The following IQCM variants were observed in gnomAD, a reference collection of about 807,000 sequenced individuals.
IQCM encodes the protein IQ motif containing M.
In IQCM, 45 loss-of-function variants were observed where a neutral mutation model predicts 57.6. That is an observed-to-expected ratio of 0.78 (90% CI 0.62 to 1.00). IQCM has a LOEUF of 1.00. Among genes scored for constraint, IQCM ranks in the 50% least tolerant of loss-of-function variants. The probability of loss-of-function intolerance (pLI) is 0.00; values close to 1 mark genes in which losing one functional copy is unlikely to be tolerated. For synonymous variants in IQCM, 148 were observed against 158.9 expected, an observed-to-expected ratio of 0.93 and a Z score of 0.51; for missense variants, 468 against 511.6, an observed-to-expected ratio of 0.91 and a Z score of 0.82.
At chr4:149,537,137 T>G (rs1212430973) in intron 12 of IQCM, among the ~76,000 whole-genome samples, 1 of 151,960 alleles carries the variant, frequency 6.6e-6, no homozygotes, top group Admixed American at 6.6e-5. Flanking sequence ...CTGAATGAAC[T>G]CAGAGGTTAG....
At chr4:149,519,463 T>A (rs961491529) in intron 12 of IQCM, among the ~76,000 whole-genome samples, 2 of 151,194 alleles carry the variant, frequency 1.3e-5, no homozygotes, top group African/African-American at 4.9e-5. Flanking sequence ...CTACTAAAAA[T>A]ACAAAAAAAT....
chr4:149,424,698 T>A (rs1157213062), intron 13 of IQCM, among the ~76,000 whole-genome samples: 1 of 151,884 alleles, frequency 6.6e-6, no homozygotes, highest in Admixed American at 6.6e-5. Context: ...TTCAATGACA[T>A]AACTGTAATG....
At chr4:149,812,957 T>C (rs1026353812) in intron 2 of IQCM, among the ~76,000 whole-genome samples, 1 of 152,184 alleles carries the variant, frequency 6.6e-6, no homozygotes, top group Non-Finnish European at 1.5e-5. Flanking sequence ...GTCAGCTACA[T>C]TAATATCTCA....
intron 2 of IQCM, among the ~76,000 whole-genome samples, chr4:149,777,336 A>G (rs545217811): frequency 1.3e-5 from 2 of 152,354 alleles, no homozygotes; most frequent in African/African-American, 4.8e-5. Context: ...AAAAATGTCC[A>G]TGATAAAAAG....
At chr4:149,353,260 C>T (rs1728699168) in intron 13 of IQCM, among the ~76,000 whole-genome samples, 2 of 152,106 alleles carry the variant, frequency 1.3e-5, no homozygotes, top group Non-Finnish European at 2.9e-5. Context: ...CTTAGGATGG[C>T]TATTATCAAA....
chr4:149,475,302 A>C (rs1740060638), intron 12 of IQCM, among the ~76,000 whole-genome samples: 1 of 152,198 alleles, frequency 6.6e-6, no homozygotes, highest in African/African-American at 2.4e-5. Flanking sequence ...ATGTCCCCAG[A>C]TTCCAGATTT....
chr4:149,390,297 A>G (rs1731756214), intron 13 of IQCM, among the ~76,000 whole-genome samples: 1 of 152,028 alleles, frequency 6.6e-6, no homozygotes, highest in Admixed American at 6.6e-5. Flanking sequence ...GGATTTGTAT[A>G]TTAATTTACC....
At chr4:149,667,949 G>T (rs1276571738) in intron 7 of IQCM, among the ~76,000 whole-genome samples, 2 of 152,072 alleles carry the variant, frequency 1.3e-5, no homozygotes, top group Admixed American at 6.6e-5. Flanking sequence ...AACTACATTT[G>T]TTTGGTGCAC....
intron 2 of IQCM, among the ~76,000 whole-genome samples, chr4:149,756,985 G>A (rs1045319467): frequency 6.6e-6 from 1 of 152,242 alleles, no homozygotes; most frequent in Non-Finnish European, 1.5e-5. Flanking sequence ...ATGGCCGGGT[G>A]TGGTGGCTCA....
At chr4:149,412,361 C>T (rs1193027854) in intron 13 of IQCM, among the ~76,000 whole-genome samples, 4 of 152,116 alleles carry the variant, frequency 2.6e-5, no homozygotes, top group Non-Finnish European at 5.9e-5. Flanking sequence ...CATTAAAAAA[C>T]CAACTGTAGA....
intron 2 of IQCM, among the ~76,000 whole-genome samples, chr4:149,752,155 T>C (rs1313266090): frequency 6.6e-6 from 1 of 152,002 alleles, no homozygotes; most frequent in East Asian, 1.9e-4. Flanking sequence ...ATGCATACAG[T>C]ATCATGTCTA....
At chr4:149,608,158 A>T (rs1387422599) in intron 8 of IQCM, among the ~76,000 whole-genome samples, 2 of 151,966 alleles carry the variant, frequency 1.3e-5, no homozygotes, top group Non-Finnish European at 2.9e-5. Flanking sequence ...CAAGACAAAA[A>T]GGAACAAAGA....
intron 13 of IQCM, among the ~76,000 whole-genome samples, chr4:149,385,912 G>A (rs1313469326): frequency 6.6e-6 from 1 of 152,016 alleles, no homozygotes; most frequent in Non-Finnish European, 1.5e-5. Context: ...ACATTTAAAT[G>A]AATATATTAT....
rs545825807 is a variant in IQCM at position 149,474,839 on chromosome 4, G to C, written c.1229-41282C>G. Among the ~76,000 whole-genome samples the C allele has an allele frequency of 3.9e-4, 59 of 152,186 alleles. No homozygotes were observed. In the South Asian group the frequency reaches 4.1e-3, roughly 11 times the overall value. ...TTAGCTGGATGAAAATCTGAGTAGA[G>C]AGCATCCTAGGAAGAAGAAACAGTT... On this transcript the variant is annotated intron_variant, in intron 12 of 13. Transcript: ENST00000636793.
intron 7 of IQCM, among the ~76,000 whole-genome samples, chr4:149,626,434 T>TTTTA (rs1756819368): frequency 7.8e-6 from 1 of 128,192 alleles, no homozygotes; most frequent in Admixed American, 8.3e-5. Flanking sequence ...CATACTATTT[T>TTTTA]GCTATCTGAA....
intron 5 of IQCM, among the ~76,000 whole-genome samples, chr4:149,690,555 C>A (rs1208663058): frequency 4.6e-5 from 7 of 151,948 alleles, no homozygotes; most frequent in African/African-American, 1.7e-4. Context: ...ACCACCAATA[C>A]CCCAATAACA....
chr4:149,373,455 T>C (rs1200722593), intron 13 of IQCM, among the ~76,000 whole-genome samples: 2 of 152,150 alleles, frequency 1.3e-5, no homozygotes, highest in African/African-American at 2.4e-5. Context: ...GTTACTATCA[T>C]AGTTCTCATT....
At chr4:149,420,892 C>A (rs2111216505) in intron 13 of IQCM, among the ~76,000 whole-genome samples, 1 of 152,176 alleles carries the variant, frequency 6.6e-6, no homozygotes. Flanking sequence ...CTTCTCCCAT[C>A]CATCTCTTCC....
At chr4:149,580,427 C>T (rs1221211407) in intron 9 of IQCM, among the ~76,000 whole-genome samples, 1 of 151,778 alleles carries the variant, frequency 6.6e-6, no homozygotes, top group Non-Finnish European at 1.5e-5. Context: ...GCAGTGGTGC[C>T]AAGAGCCAGA....
Sources: allele counts gnomAD v4.1 joint callset (sites outside exome capture counted in the v4.1 genomes callset), GRCh38; gene constraint gnomAD v4.1.1; transcripts MANE v1.5; gene names NCBI Gene and HGNC (gene_info 2026-07-23, HGNC 2026-07-21).